The following TTR variants were observed in gnomAD, a reference collection of about 807,000 sequenced individuals.
TTR encodes transthyretin.
TTR carries 8 observed loss-of-function variants against 13.7 expected under a neutral mutation model. The observed-to-expected ratio is 0.58, with a 90% CI of 0.34 to 1.05. TTR has a LOEUF of 1.05. TTR is among the 50% of genes least tolerant of loss of function. TTR has a pLI of 0.02. For synonymous variants in TTR, 75 were observed against 71.7 expected (o/e 1.05, Z -0.23); for missense variants, 135 against 185.5 (o/e 0.73, Z 1.58).
intron 3 of TTR, among the ~76,000 whole-genome samples, chr18:31,596,885 A>G (rs2073519548): frequency 6.6e-6 from 1 of 152,126 alleles, no homozygotes; most frequent in African/African-American, 2.4e-5. Flanking sequence ...CACTTTGGTG[A>G]CGGGTGCGTG....
At chr18:31,593,054 G>A (rs1480886428) in intron 2 of TTR, 28 bp downstream of exon 2, 1 of 1,612,970 alleles carries the variant, frequency 6.2e-7, no homozygotes, top group East Asian at 2.2e-5. Context: ...CCTCCCACAG[G>A]ACTTGGTTTT....
rs1567946955 is a variant in TTR, at chr18:31,598,570, G to A, written c.339G>A (p.Val113=). ...GATCTGTCTGTCTTCTCTCATAGGT[G>A]GTATTCACAGCCAACGACTCCGGCC... ...GISPFHEHAE[V]VFTANDSGPR... The change falls in exon 4 of 4, where the codon GTG becomes GTA. Residue 113 remains valine (V), a splice_region_variant and synonymous_variant. Transcript: ENST00000237014. The A allele has an allele frequency of 6.2e-7, 1 of 1,614,090 alleles. No homozygotes were observed. The highest frequency in any genetic ancestry group is 1.7e-5 in the Admixed American group (1 of 60,026).
chr18:31,598,483 T>C (rs775295610), intron 3 of TTR, 85 bp from the exon 4 acceptor site: 5 of 1,301,340 alleles, frequency 3.8e-6, no homozygotes, highest in African/African-American at 1.5e-5. Flanking sequence ...AAGTTGGCAC[T>C]GGACTTCCGG....
intron 1 of TTR, 115 bp from the exon 2 acceptor site, chr18:31,592,781 A>C: frequency 7.2e-7 from 1 of 1,385,032 alleles, no homozygotes; most frequent in Non-Finnish European, 1.0e-6. Flanking sequence ...TACGTTCCTG[A>C]TAATGGGATC....
At chr18:31,593,571 G>C (rs2073498081) in intron 2 of TTR, 2 of 158,156 alleles carry the variant, frequency 1.3e-5, no homozygotes, top group Admixed American at 6.0e-5. Flanking sequence ...AAAACCCAAG[G>C]CTTTTGCCTA....
intron 3 of TTR, 123 bp downstream of exon 3, chr18:31,595,378 G>T: frequency 1.5e-6 from 2 of 1,369,322 alleles, no homozygotes; most frequent in Non-Finnish European, 2.1e-6. Flanking sequence ...AATGACCAAA[G>T]GTTCCCTTTC....
At position 31,592,962 on chromosome 18, in the gene TTR, A is replaced by G. The variant is rs773584864; in HGVS notation, c.136A>G (p.Ile46Val). 12 of 1,614,064 alleles carry G rather than the reference A, an allele frequency of 7.4e-6. No homozygotes were observed. The Admixed American group carries it at 1.8e-4, about 25-fold the overall frequency. ...AGATGCTGTCCGAGGCAGTCCTGCCATCAATGTGGCCGTGCATGTGTTCAG... is the reference window on the plus strand; with the variant it reads ...AGATGCTGTCCGAGGCAGTCCTGCCGTCAATGTGGCCGTGCATGTGTTCAG... The part of the protein sequence containing the change: ...VLDAVRGSPA[I>V]NVAVHVFRKA... The change falls in exon 2 of 4, where the codon ATC becomes GTC. Residue 46 changes from isoleucine to valine, a missense_variant. Physicochemically the swap from Ile to Val is conservative, Grantham distance 29. Coordinates refer to ENST00000237014, the MANE Select transcript of TTR (RefSeq NM_000371.4).
At chr18:31,595,784 T>C (rs542325701) in intron 3 of TTR, 10 of 296,520 alleles carry the variant, frequency 3.4e-5, no homozygotes, top group African/African-American at 2.2e-4. Context: ...CAATTATAAG[T>C]GTTTTCCATA....
At chr18:31,597,000 G>T (rs2073520199) in intron 3 of TTR, 1 of 152,128 alleles carries the variant, frequency 6.6e-6, no homozygotes, top group Non-Finnish European at 1.5e-5. Context: ...AAGGGAAAAT[G>T]GAAACTTTTA....
intron 2 of TTR, chr18:31,593,598 AC>A (rs1371296117): frequency 6.4e-6 from 1 of 156,670 alleles, no homozygotes; most frequent in East Asian, 1.9e-4. Flanking sequence ...ACTTTGGGGC[AC>A]CTACTGTGTG....
intron 2 of TTR, 141 bp from the exon 3 acceptor site, chr18:31,594,979 C>G (rs769030691): frequency 5.5e-5 from 54 of 978,170 alleles, no homozygotes; most frequent in Non-Finnish European, 8.1e-5. Flanking sequence ...GGAGTTTTCC[C>G]TACTTCTGAC....
In TTR at chr18:31,598,581, C is replaced by A; in HGVS notation, c.350C>A (p.Ala117Asp). Residue 117 changes from alanine (A) to aspartate (D), a missense_variant, in exon 4 of 4, where the codon GCC becomes GAC. By Grantham distance (126) the Ala-to-Asp change is moderately radical. Transcript: ENST00000237014. Reference sequence around the variant, plus strand: ...CTTCTCTCATAGGTGGTATTCACAGCCAACGACTCCGGCCCCCGCCGCTAC... The same window carrying A: ...CTTCTCTCATAGGTGGTATTCACAGACAACGACTCCGGCCCCCGCCGCTAC... ...FHEHAEVVFT[A>D]NDSGPRRYTI... 1 of 1,614,112 alleles carries A rather than the reference C, an allele frequency of 6.2e-7. No homozygotes were observed. Among genetic ancestry groups the A allele is most frequent in the South Asian group, 1.1e-5 (1 of 91,084 alleles).
Position 31,594,573 on chromosome 18 carries a change from A to G in TTR, c.201-547A>G, listed in dbSNP as rs532575785. ...CACAGGGACTCTTTCTTAAGTAAAC[A>G]TTATACCTGGCCGGGCACGGTGGCT... On this transcript the variant is annotated intron_variant, in intron 2 of 3. Transcript: ENST00000237014. 3.3e-5 allele frequency among the ~76,000 whole-genome samples: 5 copies of G among 152,254 alleles called. No homozygotes were observed. In the South Asian group the frequency reaches 1.0e-3, roughly 32 times the overall value.
chr18:31,593,010 G>A lies in TTR; in HGVS notation c.184G>A (p.Glu62Lys). 1 of 1,614,024 alleles carries A rather than the reference G, an allele frequency of 6.2e-7. No homozygotes were observed. Among genetic ancestry groups the A allele is most frequent in the Non-Finnish European group, 8.5e-7 (1 of 1,179,938 alleles). ...CAGAAAGGCTGCTGATGACACCTGG[G>A]AGCCATTTGCCTCTGGGTAAGTTGC... ...VFRKAADDTW[E>K]PFASGKTSES... The change falls in exon 2 of 4, where the codon GAG becomes AAG. Residue 62 changes from glutamate to lysine, a missense_variant. Glu to Lys is a moderately conservative substitution (Grantham distance 56). Transcript: ENST00000237014.
intron 1 of TTR, 121 bp from the exon 2 acceptor site, chr18:31,592,775 T>C: frequency 1.5e-6 from 2 of 1,333,690 alleles, no homozygotes; most frequent in Admixed American, 3.6e-5. Flanking sequence ...GACACTTACG[T>C]TCCTGATAAT....
At chr18:31,592,101 T>A in intron 1 of TTR, 130 bp downstream of exon 1, 2 of 903,662 alleles carry the variant, frequency 2.2e-6, no homozygotes, top group East Asian at 2.6e-5. Flanking sequence ...ATTTTTAATA[T>A]AATTAATTCA....
Position 31,591,878 on chromosome 18 carries a change from C to T in TTR, c.-25C>T, listed in dbSNP as rs372544196. The stretch of plus-strand genomic sequence containing the variant: ...AGCCCCAGGCTGGGAGCAGCCATCA[C>T]AGAAGTCCACTCATTCTTGGCAGGA... On this transcript the variant is annotated 5_prime_UTR_variant, in exon 1 of 4. Coordinates refer to ENST00000237014, the MANE Select transcript of TTR (RefSeq NM_000371.4). The T allele has an allele frequency of 6.2e-7, 1 of 1,612,944 alleles. No homozygotes were observed. Among genetic ancestry groups the T allele is most frequent in the Non-Finnish European group, 8.5e-7 (1 of 1,179,022 alleles).
intron 3 of TTR, chr18:31,595,726 G>A: frequency 3.0e-6 from 1 of 338,312 alleles, no homozygotes; most frequent in South Asian, 2.4e-5. Flanking sequence ...AAGTAATAAT[G>A]GCAACACAAT....
chr18:31,592,045 C>G, intron 1 of TTR, 74 bp downstream of exon 1: 2 of 1,508,154 alleles, frequency 1.3e-6, no homozygotes, highest in Non-Finnish European at 9.2e-7. Context: ...CTCCTTCCAG[C>G]TTTGCCAACC....
Sources: gnomAD v4.1 joint callset for allele counts (sites outside exome capture counted in the v4.1 genomes callset) on GRCh38, gnomAD v4.1.1 for gene constraint, MANE v1.5 for transcripts, NCBI Gene and HGNC (gene_info 2026-07-23, HGNC 2026-07-21) for gene names.